Variants in PSPH observed in about 807,000 individuals in gnomAD.
PSPH encodes the protein L-3-phosphoserine phosphatase.
Under a neutral mutation model 23.4 loss-of-function variants are expected in PSPH, and 16 were observed. That is an observed-to-expected ratio of 0.68 (90% confidence interval 0.46 to 1.04). The LOEUF is 1.04. PSPH is among the 50% of genes least tolerant of loss of function. The probability of loss-of-function intolerance (pLI) is 0.00; values close to 1 mark genes in which losing one functional copy is unlikely to be tolerated. For synonymous variants in PSPH, 68 were observed against 99.7 expected (o/e 0.68, Z 1.89); for missense variants, 223 against 273.7 (o/e 0.81, Z 1.31).
intron 1 of PSPH, among the ~76,000 whole-genome samples, chr7:56,045,066 C>T (rs1188948712): frequency 2.8e-5 from 3 of 105,814 alleles, no homozygotes; most frequent in African/African-American, 1.1e-4. Context: ...GAGTGAAACT[C>T]TGCCTCAAAA....
intron 3 of PSPH, among the ~76,000 whole-genome samples, chr7:56,027,928 G>A (rs1277229307): frequency 4.0e-5 from 6 of 148,842 alleles, no homozygotes; most frequent in Non-Finnish European, 7.4e-5. Flanking sequence ...GCATGGTGGT[G>A]CATGCCTGTG....
At chr7:56,011,957 G>T (rs1562777945) in intron 7 of PSPH, 88 bp from the exon 8 acceptor site, 3 of 1,061,244 alleles carry the variant, frequency 2.8e-6, no homozygotes, top group East Asian at 5.4e-5. Context: ...CCAGGCTGGA[G>T]TGCAGTGACA....
At chr7:56,020,690 C>T (rs1789250415) in intron 4 of PSPH, among the ~76,000 whole-genome samples, 1 of 146,848 alleles carries the variant, frequency 6.8e-6, no homozygotes, top group Admixed American at 6.8e-5. Flanking sequence ...GGGAGGTCCC[C>T]AGCTGCAGGG....
At chr7:56,032,927 A>T (rs1415168268) in intron 2 of PSPH, among the ~76,000 whole-genome samples, 1 of 150,988 alleles carries the variant, frequency 6.6e-6, no homozygotes, top group Non-Finnish European at 1.5e-5. Context: ...AGCCTGGGTG[A>T]CCAAGTGAGA....
intron 3 of PSPH, among the ~76,000 whole-genome samples, chr7:56,028,299 C>T (rs201939032): frequency 6.6e-6 from 1 of 151,956 alleles, no homozygotes; most frequent in East Asian, 1.9e-4. Context: ...AATCATAGCT[C>T]ACTGTGGCCT....
chr7:56,039,775 AAAAAAAAAAAAAAAAAAATT>A (rs1382128742), intron 1 of PSPH, among the ~76,000 whole-genome samples: 1 of 80,630 alleles, frequency 1.2e-5, no homozygotes, highest in Non-Finnish European at 2.7e-5. Context: ...ACTCTGTCTC[AAAAAAAAAAAAAAAAAAATT>A]AAAAAAAAAA....
chr7:56,042,187 C>G (rs1792636261), intron 1 of PSPH, among the ~76,000 whole-genome samples: 1 of 148,572 alleles, frequency 6.7e-6, no homozygotes, highest in African/African-American at 2.5e-5. Flanking sequence ...TCCCTACACT[C>G]CAGCCTGGGC....
intron 4 of PSPH, 157 bp from the exon 5 acceptor site, chr7:56,019,891 T>A (rs1789108086): frequency 1.1e-6 from 1 of 922,408 alleles, no homozygotes; most frequent in Non-Finnish European, 1.7e-6. Context: ...GAGCAAGGCC[T>A]TGGAATAAAC....
At chr7:56,025,163 G>A (rs184814148) in intron 3 of PSPH, among the ~76,000 whole-genome samples, 8 of 152,110 alleles carry the variant, frequency 5.3e-5, no homozygotes, top group African/African-American at 1.9e-4. Context: ...TGCCCATCAC[G>A]ATCTGGCTCC....
At chr7:56,022,739 G>A (rs559801640) in intron 3 of PSPH, among the ~76,000 whole-genome samples, 1 of 152,254 alleles carries the variant, frequency 6.6e-6, no homozygotes, top group South Asian at 2.1e-4. Flanking sequence ...ATGTACAGGG[G>A]CTAGTTGAAG....
At chr7:56,015,196 T>C (rs760212472) in intron 6 of PSPH, 25 bp from the exon 7 acceptor site, 1 of 1,612,738 alleles carries the variant, frequency 6.2e-7, no homozygotes, top group East Asian at 2.2e-5. Context: ...AAAAATAGGG[T>C]TAAAGACCCA....
chr7:56,047,047 G>A (rs1793345222), intron 1 of PSPH, among the ~76,000 whole-genome samples: 1 of 152,014 alleles, frequency 6.6e-6, no homozygotes, highest in Admixed American at 6.6e-5. Context: ...GATCCATGGA[G>A]GACTTTCAAT....
At chr7:56,012,435 C>T (rs1277979337) in intron 7 of PSPH, among the ~76,000 whole-genome samples, 2 of 151,846 alleles carry the variant, frequency 1.3e-5, no homozygotes, top group Admixed American at 1.3e-4. Flanking sequence ...CCCGCCTCAG[C>T]CTCCCAAAGT....
In PSPH at chr7:56,031,989, C is replaced by G. The variant is rs1361789759; in HGVS notation, c.-80G>C. On this transcript the variant is annotated 5_prime_UTR_variant, in exon 3 of 8. Transcript: ENST00000275605. The stretch of plus-strand genomic sequence containing the variant: ...CTTCTGTTCCTTCCCTAGATAAAAA[C>G]GCAGCACAAAGTTCTGTCTACAGAT... 1 of 153,254 alleles carries G rather than the reference C, an allele frequency of 6.5e-6. No homozygotes were observed. The highest frequency in any genetic ancestry group is 1.5e-5 in the Non-Finnish European group (1 of 68,042). The allele number at this position is 153,254 out of a possible 1,614,324, so 9.5% of individuals were successfully genotyped here. A position where few individuals can be genotyped will look rare whatever the true frequency, so the allele number is the denominator to read the frequency against.
intron 1 of PSPH, among the ~76,000 whole-genome samples, chr7:56,034,505 T>A (rs1162078752): frequency 6.6e-6 from 1 of 152,142 alleles, no homozygotes; most frequent in Admixed American, 6.6e-5. Context: ...CAAAAGAACT[T>A]CAAAGACTAC....
At chr7:56,021,344 G>C in intron 3 of PSPH, 113 bp from the exon 4 acceptor site, 2 of 984,088 alleles carry the variant, frequency 2.0e-6, no homozygotes, top group Middle Eastern at 3.0e-4. Context: ...GGCCACATAA[G>C]AGTGTTCTCA....
At chr7:56,020,515 C>A (rs1173734313) in intron 4 of PSPH, among the ~76,000 whole-genome samples, 1 of 151,706 alleles carries the variant, frequency 6.6e-6, no homozygotes. Flanking sequence ...ATCCCAGCTA[C>A]TCAAAAGGCT....
intron 3 of PSPH, among the ~76,000 whole-genome samples, chr7:56,028,100 A>G (rs1419967391): frequency 6.6e-6 from 1 of 151,742 alleles, no homozygotes. Flanking sequence ...GGAAAGGTAC[A>G]TTTCCTCCAC....
intron 6 of PSPH, among the ~76,000 whole-genome samples, chr7:56,016,627 G>A (rs377400414): frequency 6.6e-6 from 1 of 151,898 alleles, no homozygotes; most frequent in African/African-American, 2.4e-5. Context: ...TGGAAGTGCA[G>A]TGGCGAGATC....
Sources: gnomAD v4.1 joint callset for allele counts (sites outside exome capture counted in the v4.1 genomes callset) on GRCh38, gnomAD v4.1.1 for gene constraint, MANE v1.5 for transcripts, NCBI Gene and HGNC (gene_info 2026-07-23, HGNC 2026-07-21) for gene names.